Variants in ACOT7 observed in about 807,000 individuals in gnomAD.
ACOT7 encodes cytosolic acyl coenzyme A thioester hydrolase.
In ACOT7, 12 loss-of-function variants were observed where a neutral mutation model predicts 40.2. The ratio of observed to expected loss-of-function variants is 0.30; its 90% CI spans 0.19 to 0.48. The LOEUF (loss-of-function observed/expected upper bound fraction) is 0.48, where lower values mean the gene tolerates loss of function less well. ACOT7 is among the 20% of genes least tolerant of loss of function. The pLI is 0.99. For synonymous variants in ACOT7, 228 were observed against 219.5 expected (o/e 1.04, Z -0.34); for missense variants, 395 against 530.8 (o/e 0.74, Z 2.51).
Position 6,332,472 on chromosome 1 carries a change from A to G in ACOT7, c.510+1005T>C, listed in dbSNP as rs564413318. ...TGTGGCTTCCACAGGCTTCGCCCAC[A>G]GGCCCGCCCATGGCAGGACCCCTCT... On this transcript the variant is annotated intron_variant, in intron 4 of 8. Transcript: ENST00000361521. Among the ~76,000 whole-genome samples the G allele has an allele frequency of 3.2e-4, 49 of 152,352 alleles. No homozygotes were observed. The South Asian group carries it at 9.9e-3, about 31-fold the overall frequency.
In ACOT7 at chr1:6,275,373, G is replaced by A. The variant is rs936146917; in HGVS notation, c.1014+5729C>T. On this transcript the variant is annotated intron_variant, in intron 8 of 8. Transcript: ENST00000361521. The surrounding 1 kb of genome is among the most constrained non-coding windows in gnomAD (Gnocchi z 5.6). ...GAGCGGACAAAGCTCAACAGGGTGC[G>A]TTTTCCCTGAGTTCTTGGAACTCCC... Among the ~76,000 whole-genome samples the A allele has an allele frequency of 2.2e-4, 34 of 152,260 alleles. No homozygotes were observed. Among genetic ancestry groups the A allele is most frequent in the African/African-American group, 7.7e-4 (32 of 41,560 alleles).
At chr1:6,298,501 G>T (rs1639875673) in intron 6 of ACOT7, among the ~76,000 whole-genome samples, 1 of 152,208 alleles carries the variant, frequency 6.6e-6, no homozygotes, top group African/African-American at 2.4e-5. Flanking sequence ...GTCACATGGA[G>T]GTCCGATTCT....
chr1:6,312,419 TTCCCTCCC>T (rs999826958), intron 6 of ACOT7, among the ~76,000 whole-genome samples: 1 of 151,868 alleles, frequency 6.6e-6, no homozygotes, highest in Non-Finnish European at 1.5e-5. Context: ...CTTTCTTTCT[TTCCCTCCC>T]TCCCTCCCTC....
chr1:6,344,969 C>T (rs549009381), intron 2 of ACOT7, among the ~76,000 whole-genome samples: 13 of 152,204 alleles, frequency 8.5e-5, no homozygotes, highest in African/African-American at 1.7e-4. Flanking sequence ...GGACCCAGGA[C>T]GGCTCTGATT....
chr1:6,286,424 T>A lies in ACOT7; in HGVS notation c.830-5138A>T, dbSNP rs1571271109. The stretch of plus-strand genomic sequence containing the variant: ...CAGATATTCATGACAAAGTGTCTCA[T>A]CAGGAAAGGCAGGGCTCTTCGAGGC... On this transcript the variant is annotated intron_variant, in intron 7 of 8. Coordinates refer to ENST00000361521, the MANE Select transcript of ACOT7 (RefSeq NM_007274.4). Among the ~76,000 whole-genome samples, 9 of 152,222 alleles carry A rather than the reference T, an allele frequency of 5.9e-5. 1 individual carries two copies. The South Asian group carries it at 1.9e-3, about 32-fold the overall frequency.
chr1:6,315,952 T>G (rs1385432422), intron 6 of ACOT7, among the ~76,000 whole-genome samples: 1 of 152,152 alleles, frequency 6.6e-6, no homozygotes, highest in African/African-American at 2.4e-5. Flanking sequence ...TGCTGCGGAC[T>G]TCCAAGGGGC....
rs909608266 is a variant in ACOT7, at chr1:6,311,333, G to A, written c.712+7159C>T. Among the ~76,000 whole-genome samples, 2 of 152,198 alleles carry A rather than the reference G, an allele frequency of 1.3e-5. No homozygotes were observed. Among genetic ancestry groups the A allele is most frequent in the Non-Finnish European group, 2.9e-5 (2 of 68,030 alleles). ...CTCTAAAGACCCTGATACAGGAACC[G>A]GAGAAGCAACCAGAACAACCCGGAT... On this transcript the variant is annotated intron_variant, in intron 6 of 8. Coordinates refer to ENST00000361521, the MANE Select transcript of ACOT7 (RefSeq NM_007274.4). This position sits in a 1 kb window ranked among gnomAD's most constrained non-coding sequence, Gnocchi z 5.2.
At chr1:6,303,827 G>T (rs143660761) in intron 6 of ACOT7, among the ~76,000 whole-genome samples, 1 of 152,104 alleles carries the variant, frequency 6.6e-6, no homozygotes, top group Non-Finnish European at 1.5e-5. Flanking sequence ...GTTCCCGGAC[G>T]TCTGGGAGCA....
chr1:6,324,662 A>G (rs891109112), intron 5 of ACOT7, among the ~76,000 whole-genome samples: 2 of 152,018 alleles, frequency 1.3e-5, no homozygotes, highest in African/African-American at 4.8e-5. Flanking sequence ...ACCGCTCACA[A>G]AAAGGTAGGT....
intron 2 of ACOT7, among the ~76,000 whole-genome samples, chr1:6,343,210 T>C (rs1175057513): frequency 1.3e-5 from 2 of 152,180 alleles, no homozygotes; most frequent in African/African-American, 4.8e-5. Context: ...CTTCAAGCCC[T>C]GGTGTGTGCG....
chr1:6,375,261 CAAAAA>C (rs34778182), intron 1 of ACOT7, among the ~76,000 whole-genome samples: 1 of 73,870 alleles, frequency 1.4e-5, no homozygotes. Flanking sequence ...AGACTCCTCT[CAAAAA>C]AAAAAAAAAA....
At chr1:6,370,010 T>C (rs1642098111) in intron 1 of ACOT7, among the ~76,000 whole-genome samples, 1 of 152,184 alleles carries the variant, frequency 6.6e-6, no homozygotes, top group Non-Finnish European at 1.5e-5. Flanking sequence ...TCAATCCCAA[T>C]GTTGGAGGCA....
At chr1:6,342,367 T>C (rs1193807887) in intron 2 of ACOT7, among the ~76,000 whole-genome samples, 1 of 152,014 alleles carries the variant, frequency 6.6e-6, no homozygotes, top group Non-Finnish European at 1.5e-5. Flanking sequence ...TTTCAACACA[T>C]GAGAGACACG....
chr1:6,315,475 G>A (rs894106539), intron 6 of ACOT7, among the ~76,000 whole-genome samples: 1 of 152,156 alleles, frequency 6.6e-6, no homozygotes, highest in Admixed American at 6.5e-5. Context: ...GTTAAGGCTG[G>A]GCACGGTGGC....
intron 7 of ACOT7, among the ~76,000 whole-genome samples, chr1:6,292,912 C>T (rs1369269688): frequency 2.2e-5 from 3 of 133,608 alleles, no homozygotes; most frequent in East Asian, 2.1e-4. Flanking sequence ...TTTTTTGAGA[C>T]GGAGTCTCAC....
rs552870549 is a variant in ACOT7 at position 6,286,490 on chromosome 1, C to T, written c.830-5204G>A. ...TGTCAAGGCCAGTCTCCGGAGGCTA[C>T]GAAGCCATGCGGGAGGAGCCCTGAG... On this transcript the variant is annotated intron_variant, in intron 7 of 8. Coordinates refer to ENST00000361521, the MANE Select transcript of ACOT7 (RefSeq NM_007274.4). Among the ~76,000 whole-genome samples, 11 of 152,320 alleles carry T rather than the reference C, an allele frequency of 7.2e-5. No individual in the cohort carries two copies. The South Asian group carries it at 2.1e-3, about 29-fold the overall frequency.
In ACOT7 at chr1:6,274,126, G is replaced by T. The variant is rs972213780; in HGVS notation, c.1014+6976C>A. ...CCTGGGGGTCAGGCAGGTCCTGGGG[G>T]TGGGGAGCAGCAGGCACCATCATGG... On this transcript the variant is annotated intron_variant, in intron 8 of 8. Transcript: ENST00000361521. The surrounding 1 kb of genome is among the most constrained non-coding windows in gnomAD (Gnocchi z 5.9). 6.6e-6 allele frequency among the ~76,000 whole-genome samples: 1 copy of T among 152,220 alleles called. No individual in the cohort carries two copies. Among genetic ancestry groups the T allele is most frequent in the African/African-American group, 2.4e-5 (1 of 41,464 alleles).
intron 3 of ACOT7, among the ~76,000 whole-genome samples, chr1:6,334,120 G>A (rs1641035769): frequency 6.6e-6 from 1 of 152,192 alleles, no homozygotes; most frequent in Non-Finnish European, 1.5e-5. Flanking sequence ...CTCCCAGACA[G>A]AGGGGAAGGA....
intron 2 of ACOT7, among the ~76,000 whole-genome samples, chr1:6,341,116 C>T (rs969102055): frequency 2.0e-5 from 3 of 151,724 alleles, no homozygotes; most frequent in South Asian, 2.1e-4. Flanking sequence ...ATAATCTGCC[C>T]GTGTTGTGAC....
Sources: gnomAD v4.1 joint callset for allele counts (sites outside exome capture counted in the v4.1 genomes callset) on GRCh38, gnomAD v4.1.1 for gene constraint, Gnocchi (gnomAD v3.1) non-coding constraint, MANE v1.5 for transcripts, NCBI Gene and HGNC (gene_info 2026-07-23, HGNC 2026-07-21) for gene names.